The following ARHGEF16 variants were observed in gnomAD, a reference collection of about 807,000 sequenced individuals.
ARHGEF16 encodes the protein Rho guanine exchange factor (GEF) 16.
Under a neutral mutation model 74.1 loss-of-function variants are expected in ARHGEF16, and 59 were observed. The observed-to-expected ratio is 0.80, with a 90% CI of 0.65 to 0.99. The LOEUF is 0.99. ARHGEF16 is among the 50% of genes least tolerant of loss of function. ARHGEF16 has a pLI of 0.00. For missense variants in ARHGEF16, 948 were observed against 986.6 expected (o/e 0.96, Z 0.52); for synonymous variants, 415 against 412.6 (o/e 1.01, Z -0.07).
intron 10 of ARHGEF16, among the ~76,000 whole-genome samples, chr1:3,477,289 C>T (rs1448651829): frequency 7.6e-5 from 3 of 39,468 alleles, no homozygotes; most frequent in South Asian, 1.3e-3. Flanking sequence ...CCCCCTACTG[C>T]GACACCCATC....
At position 3,466,923 on chromosome 1, in the gene ARHGEF16, G is replaced by T; in HGVS notation, c.635-245G>T. 8.7e-6 allele frequency: 4 copies of T among 460,766 alleles called. No individual in the cohort carries two copies. The South Asian group carries it at 1.6e-4, about 19-fold the overall frequency. 28.5% of individuals were successfully genotyped at this position (460,766 alleles called of 1,614,324 possible). A position where few individuals can be genotyped will look rare whatever the true frequency, so the allele number is the denominator to read the frequency against. On this transcript the variant is annotated intron_variant, in intron 3 of 14. Coordinates refer to ENST00000378378, the MANE Select transcript of ARHGEF16 (RefSeq NM_014448.4). Reference sequence around the variant, plus strand: ...ATGCCCCACGTCTCAGGGTAAGGCTGGTTGGGGGCTGCTGTGAGGGTTTGG... The same window carrying T: ...ATGCCCCACGTCTCAGGGTAAGGCTTGTTGGGGGCTGCTGTGAGGGTTTGG...
rs1640036478 is a variant in ARHGEF16, at chr1:3,480,778, A to AC, written c.*196dup. 1.3e-6 allele frequency: 1 copy of AC among 792,538 alleles called. No homozygotes were observed. Among genetic ancestry groups the AC allele is most frequent in the African/African-American group, 1.8e-5 (1 of 56,992 alleles). The allele number at this position is 792,538 out of a possible 1,614,324, so 49.1% of individuals were successfully genotyped here. ...GAAGATCACATGTCCCCAGAGAGGC[A>AC]CCCCCAGGCAAGCTCGAGGGGGCCA... On this transcript the variant is annotated 3_prime_UTR_variant, in exon 15 of 15. Coordinates refer to ENST00000378378, the MANE Select transcript of ARHGEF16 (RefSeq NM_014448.4).
intron 10 of ARHGEF16, 23 bp from the exon 11 acceptor site, chr1:3,477,852 G>A (rs563379457): frequency 3.5e-5 from 56 of 1,610,080 alleles, no homozygotes; most frequent in African/African-American, 1.1e-4. Context: ...ACTGATCTCC[G>A]CCTCCCGGCT....
rs1639454612 is a variant in ARHGEF16 at position 3,463,424 on chromosome 1, A to T, written c.340A>T (p.Ser114Cys). 1 of 1,547,950 alleles carries T rather than the reference A, an allele frequency of 6.5e-7. No homozygotes were observed. The change falls in exon 2 of 15, where the codon AGC becomes TGC. Residue 114 changes from serine to cysteine, a missense_variant. Transcript: ENST00000378378. ...CCAGAGCTTCGGGGCGGCTGTACTT[A>T]GCAGGGAGGCCGCCCGGCGGGACCC... is the stretch of plus-strand genomic sequence containing the variant. The part of the protein sequence containing the change: ...RHQSFGAAVL[S>C]REAARRDPKL...
intron 5 of ARHGEF16, 133 bp from the exon 6 acceptor site, chr1:3,469,300 A>G (rs1639637352): frequency 9.6e-7 from 1 of 1,047,034 alleles, no homozygotes; most frequent in African/African-American, 1.6e-5. Flanking sequence ...AGCCCCATCC[A>G]GGGGTGTGTC....
chr1:3,466,375 A>C (rs999833815), intron 3 of ARHGEF16, among the ~76,000 whole-genome samples, 182 bp downstream of exon 3: 2 of 152,028 alleles, frequency 1.3e-5, no homozygotes, highest in African/African-American at 4.8e-5. Flanking sequence ...TGATGAGTCT[A>C]GAAAGGTCTA....
At chr1:3,457,071 A>G (rs1476926304) in intron 1 of ARHGEF16, among the ~76,000 whole-genome samples, 1 of 152,252 alleles carries the variant, frequency 6.6e-6, no homozygotes, top group Non-Finnish European at 1.5e-5. Context: ...GACGTTGGCA[A>G]ATGTGCCCTG....
chr1:3,477,200 T>A (rs1639903506), intron 10 of ARHGEF16, among the ~76,000 whole-genome samples: 1 of 121,616 alleles, frequency 8.2e-6, no homozygotes, highest in East Asian at 2.5e-4. Context: ...TGAGGAGGTG[T>A]CAACAGTCGC....
intron 1 of ARHGEF16, 137 bp downstream of exon 1, chr1:3,454,948 CCGGCAGCCGCAACAA>C (rs1639231607): frequency 6.6e-6 from 1 of 152,162 alleles, no homozygotes. Context: ...AAGCCCCGCC[CCGGCAGCCGCAACAA>C]CTTCGCGACC....
Position 3,475,995 on chromosome 1 carries a change from C to T in ARHGEF16, c.1406C>T (p.Ala469Val), listed in dbSNP as rs1420225741. 5.8e-6 allele frequency: 9 copies of T among 1,555,594 alleles called. No homozygotes were observed. Among genetic ancestry groups the T allele is most frequent in the Non-Finnish European group, 7.0e-6 (8 of 1,149,812 alleles). Residue 469 changes from alanine to valine, a missense_variant, in exon 10 of 15, where the codon GCC (alanine) becomes GTC (valine). Transcript: ENST00000378378. ...CTGGTGAGGCAGTGCAACGAGGGGG[C>T]CCACAGGATGGAGCGCATGGAGCAG... is the stretch of plus-strand genomic sequence containing the variant. ...SKLVRQCNEG[A>V]HRMERMEQMY...
Position 3,480,876 on chromosome 1 carries a change from C to A in ARHGEF16, c.*289C>A, listed in dbSNP as rs996475206. The A allele has an allele frequency of 6.0e-6, 3 of 502,658 alleles. No individual in the cohort carries two copies. Among genetic ancestry groups the A allele is most frequent in the Non-Finnish European group, 1.1e-5 (3 of 281,070 alleles). The allele number at this position is 502,658 out of a possible 1,614,324, so 31.1% of individuals were successfully genotyped here. A position where few individuals can be genotyped will look rare whatever the true frequency, so the allele number is the denominator to read the frequency against. On this transcript the variant is annotated 3_prime_UTR_variant, in exon 15 of 15. Coordinates refer to ENST00000378378, the MANE Select transcript of ARHGEF16 (RefSeq NM_014448.4). ...CCTCAGCTGCTGGGCCCCACCTCCCCACTGCACCCAGGGGGCAACTCCACC... is the reference window on the plus strand; with the variant it reads ...CCTCAGCTGCTGGGCCCCACCTCCCAACTGCACCCAGGGGGCAACTCCACC...
chr1:3,468,318 C>T (rs555603004), intron 4 of ARHGEF16, among the ~76,000 whole-genome samples: 93 of 152,340 alleles, frequency 6.1e-4, no homozygotes, highest in Middle Eastern at 6.8e-3. Flanking sequence ...TGGCCTGAGT[C>T]CTGCAGAGGG....
At chr1:3,474,211 G>T (rs984615431) in intron 8 of ARHGEF16, 2 of 200,578 alleles carry the variant, frequency 1.0e-5, no homozygotes, top group African/African-American at 4.6e-5. Flanking sequence ...TGCACCCGGT[G>T]CACACACATA....
At position 3,478,406 on chromosome 1, in the gene ARHGEF16, C is replaced by A; in HGVS notation, c.1626-18C>A. On this transcript the variant is annotated intron_variant, in intron 11 of 14. Transcript: ENST00000378378. ...GAGCTGGGTGGGACCGTCCCACCGA[C>A]TGCCCGTGTCTCCACAGCGAGGAGA... 6.3e-7 allele frequency: 1 copy of A among 1,576,366 alleles called. No individual in the cohort carries two copies. The highest frequency in any genetic ancestry group is 1.7e-5 in the Admixed American group (1 of 58,140).
At chr1:3,480,391 G>A in intron 14 of ARHGEF16, 57 bp from the exon 15 acceptor site, 1 of 1,601,252 alleles carries the variant, frequency 6.2e-7, no homozygotes, top group East Asian at 2.2e-5. Context: ...CAGCTCAGAG[G>A]GGCCGGGGGA....
chr1:3,465,330 T>C (rs1048837726), intron 2 of ARHGEF16, among the ~76,000 whole-genome samples: 2 of 151,940 alleles, frequency 1.3e-5, no homozygotes, highest in African/African-American at 4.8e-5. Context: ...GGGCTCCCCA[T>C]GGCCTCGGGT....
intron 3 of ARHGEF16, chr1:3,466,878 G>A: frequency 3.0e-6 from 1 of 329,118 alleles, no homozygotes. Flanking sequence ...CCTGGGAAGT[G>A]TCCCCAGGAG....
intron 2 of ARHGEF16, 138 bp downstream of exon 2, chr1:3,463,810 T>G: frequency 1.5e-6 from 1 of 683,946 alleles, no homozygotes; most frequent in Non-Finnish European, 2.1e-6. Flanking sequence ...TCTCGACTGG[T>G]TTATTCCAGT....
At chr1:3,458,001 C>T (rs918816947) in intron 1 of ARHGEF16, among the ~76,000 whole-genome samples, 2 of 152,190 alleles carry the variant, frequency 1.3e-5, no homozygotes, top group African/African-American at 2.4e-5. Flanking sequence ...TGGGGCTGCC[C>T]TGGCCCAGCC....
Sources: allele counts gnomAD v4.1 joint callset (sites outside exome capture counted in the v4.1 genomes callset), GRCh38; gene constraint gnomAD v4.1.1; transcripts MANE v1.5; gene names NCBI Gene and HGNC (gene_info 2026-07-23, HGNC 2026-07-21).